PBX1: variants seen among roughly 807,000 people sequenced by gnomAD.
PBX1 encodes PBX homeobox 1.
Under a neutral mutation model 53.4 loss-of-function variants are expected in PBX1, and 6 were observed. The ratio of observed to expected loss-of-function variants is 0.11; its 90% CI spans 0.06 to 0.22. The LOEUF (loss-of-function observed/expected upper bound fraction) is 0.22. Among genes scored for constraint, PBX1 ranks in the 10% least tolerant of loss-of-function variants. The pLI is 1.00. For missense variants in PBX1, 251 were observed against 551.4 expected, an observed-to-expected ratio of 0.46 and a Z score of 5.46; for synonymous variants, 204 against 212.3, an observed-to-expected ratio of 0.96 and a Z score of 0.34.
intron 2 of PBX1, among the ~76,000 whole-genome samples, chr1:164,863,042 A>G (rs1558051229): frequency 6.6e-6 from 1 of 152,186 alleles, no homozygotes; most frequent in South Asian, 2.1e-4. Flanking sequence ...CAGGCAGAGC[A>G]TTTGACATTT....
At chr1:164,725,393 A>G (rs2102120347) in intron 2 of PBX1, among the ~76,000 whole-genome samples, 1 of 152,276 alleles carries the variant, frequency 6.6e-6, no homozygotes, top group South Asian at 2.1e-4. Context: ...GCTAGGAGGA[A>G]GTTGTACCAG....
intron 2 of PBX1, among the ~76,000 whole-genome samples, chr1:164,717,131 G>C (rs772048081): frequency 6.6e-6 from 1 of 152,114 alleles, no homozygotes; most frequent in African/African-American, 2.4e-5. Context: ...GTTTTTGTAC[G>C]GGTAAAATAA....
At chr1:164,608,505 A>G (rs1366395496) in intron 2 of PBX1, among the ~76,000 whole-genome samples, 1 of 152,236 alleles carries the variant, frequency 6.6e-6, no homozygotes, top group Non-Finnish European at 1.5e-5. Flanking sequence ...TATTTAACTT[A>G]TTAGTGTGCA....
chr1:164,624,310 A>G (rs970553960), intron 2 of PBX1, among the ~76,000 whole-genome samples: 5 of 152,352 alleles, frequency 3.3e-5, no homozygotes, highest in East Asian at 1.9e-4. Flanking sequence ...TGTGTTATAA[A>G]CCAACAATCA....
chr1:164,672,103 CTG>C (rs1661153113), intron 2 of PBX1, among the ~76,000 whole-genome samples: 1 of 150,720 alleles, frequency 6.6e-6, no homozygotes, highest in Non-Finnish European at 1.5e-5. Context: ...CCTTCTCTCT[CTG>C]TGAACAGCTC....
chr1:164,811,314 G>T (rs1669599873), intron 5 of PBX1, among the ~76,000 whole-genome samples: 1 of 152,174 alleles, frequency 6.6e-6, no homozygotes, highest in Non-Finnish European at 1.5e-5. Flanking sequence ...ACAAATGAAA[G>T]TAAATTAGGT....
At chr1:164,568,960 C>A (rs1214930305) in intron 2 of PBX1, among the ~76,000 whole-genome samples, 1 of 152,218 alleles carries the variant, frequency 6.6e-6, no homozygotes, top group Non-Finnish European at 1.5e-5. Flanking sequence ...CTTTCAATCT[C>A]TCAATTATTG....
At chr1:164,860,224 G>A (rs1672066668) in intron 2 of PBX1, among the ~76,000 whole-genome samples, 2 of 152,132 alleles carry the variant, frequency 1.3e-5, no homozygotes, top group South Asian at 4.1e-4. Context: ...AAGTCATGCA[G>A]GTGTATAATT....
At chr1:164,805,279 G>T (rs888177525) in intron 4 of PBX1, among the ~76,000 whole-genome samples, 1 of 152,192 alleles carries the variant, frequency 6.6e-6, no homozygotes, top group Non-Finnish European at 1.5e-5. Flanking sequence ...GAAACCAGGT[G>T]TCTCAGTTAG....
chr1:164,664,344 G>T (rs1267364392), intron 2 of PBX1, among the ~76,000 whole-genome samples: 1 of 152,136 alleles, frequency 6.6e-6, no homozygotes, highest in Non-Finnish European at 1.5e-5. Context: ...TCATATGTCT[G>T]TGCTGCCTTT....
chr1:164,568,383 A>G (rs920469705), intron 2 of PBX1, among the ~76,000 whole-genome samples: 4 of 152,166 alleles, frequency 2.6e-5, no homozygotes, highest in Admixed American at 2.6e-4. Context: ...ACAGTGTCCT[A>G]GGTCCAGCTC....
At chr1:164,737,948 A>C (rs189330529) in intron 2 of PBX1, among the ~76,000 whole-genome samples, 1,539 of 152,154 alleles carry the variant, frequency 0.01, 9 homozygotes, top group Non-Finnish European at 0.014. Flanking sequence ...GCTATTTATA[A>C]GCTCTTCTAG....
intron 2 of PBX1, among the ~76,000 whole-genome samples, chr1:164,790,376 A>T (rs796713381): frequency 3.3e-5 from 5 of 152,300 alleles, no homozygotes; most frequent in African/African-American, 1.2e-4. Context: ...ATGACCTCCT[A>T]ACCTTTTGCC....
In PBX1 at chr1:164,787,968, G is replaced by A. The variant is rs574870266; in HGVS notation, c.266-4526G>A. Among the ~76,000 whole-genome samples the A allele has an allele frequency of 5.9e-5, 9 of 152,280 alleles. No homozygotes were observed. In the East Asian group the frequency reaches 1.7e-3, roughly 29 times the overall value. ...AATCAATGACATTTTTCGGGTAGTG[G>A]ACGCGTCCGGGCCTGCCTGGCCATT... On this transcript the variant is annotated intron_variant, in intron 2 of 8. Coordinates refer to ENST00000420696, the MANE Select transcript of PBX1 (RefSeq NM_002585.4).
chr1:164,861,504 C>T (rs1177101063), intron 2 of PBX1, among the ~76,000 whole-genome samples: 3 of 152,058 alleles, frequency 2.0e-5, no homozygotes, highest in African/African-American at 7.2e-5. Flanking sequence ...CAAATACCTC[C>T]CCACCGCTCC....
At chr1:164,768,051 T>G (rs558749515) in intron 2 of PBX1, among the ~76,000 whole-genome samples, 1 of 152,268 alleles carries the variant, frequency 6.6e-6, no homozygotes, top group South Asian at 2.1e-4. Context: ...GAAAACAACT[T>G]TTCTCATTCA....
chr1:164,571,873 G>GTATGTA (rs1553209110), intron 2 of PBX1, among the ~76,000 whole-genome samples: 4 of 29,896 alleles, frequency 1.3e-4, no homozygotes, highest in African/African-American at 5.2e-4. Flanking sequence ...TCTGTACATT[G>GTATGTA]TATATATATA....
At chr1:164,833,974 G>A (rs1309704791) in intron 8 of PBX1, among the ~76,000 whole-genome samples, 1 of 143,162 alleles carries the variant, frequency 7.0e-6, no homozygotes, top group African/African-American at 2.6e-5. Context: ...TAATTTTTAT[G>A]CCAGAAATAT....
rs1041778637 is a variant in PBX1, at chr1:164,561,666, G to A, written c.192-1572G>A. ...TAAGAATAGATACTACTTTTTTGAT[G>A]TTCAGTCTCTCTTCTTTTGTGAAAC... On this transcript the variant is annotated intron_variant, in intron 1 of 8. Transcript: ENST00000420696. Among the ~76,000 whole-genome samples the A allele has an allele frequency of 2.0e-5, 3 of 152,096 alleles. No individual in the cohort carries two copies. The South Asian group carries it at 6.2e-4, about 32-fold the overall frequency.
Sources: allele counts gnomAD v4.1 joint callset (sites outside exome capture counted in the v4.1 genomes callset), GRCh38; gene constraint gnomAD v4.1.1; transcripts MANE v1.5; gene names NCBI Gene and HGNC (gene_info 2026-07-23, HGNC 2026-07-21).